NSMCE2: variants seen among roughly 807,000 people sequenced by gnomAD.
NSMCE2 encodes NSE2 SUMO ligase component of SMC5/6 complex.
NSMCE2 carries 24 observed loss-of-function variants against 23.8 expected under a neutral mutation model. That is an observed-to-expected ratio of 1.01 (90% confidence interval 0.73 to 1.42). NSMCE2 has a LOEUF of 1.42. Among genes scored for constraint, NSMCE2 ranks in the 40% most tolerant of loss-of-function variants. NSMCE2 has a pLI of 0.00. For synonymous variants in NSMCE2, 92 were observed against 94.1 expected (o/e 0.98, Z 0.13); for missense variants, 284 against 296.5 (o/e 0.96, Z 0.31).
At chr8:125,162,363 A>G (rs1273605252) in intron 4 of NSMCE2, among the ~76,000 whole-genome samples, 1 of 152,220 alleles carries the variant, frequency 6.6e-6, no homozygotes, top group East Asian at 1.9e-4. Flanking sequence ...TACATGTTTT[A>G]TAATAGTAAT....
At chr8:125,235,274 T>C (rs1453246519) in intron 5 of NSMCE2, among the ~76,000 whole-genome samples, 1 of 152,048 alleles carries the variant, frequency 6.6e-6, no homozygotes. Context: ...CCTAAAAGCT[T>C]TTCCCAAGAG....
At chr8:125,185,439 T>C (rs2130811807) in intron 5 of NSMCE2, among the ~76,000 whole-genome samples, 1 of 152,286 alleles carries the variant, frequency 6.6e-6, no homozygotes, top group East Asian at 1.9e-4. Context: ...CCCAAGTAGC[T>C]GGGATTATAC....
chr8:125,294,823 G>A (rs1828259640), intron 5 of NSMCE2, among the ~76,000 whole-genome samples: 1 of 152,214 alleles, frequency 6.6e-6, no homozygotes, highest in Non-Finnish European at 1.5e-5. Flanking sequence ...AGCTACTCAA[G>A]TACTACTATG....
intron 3 of NSMCE2, among the ~76,000 whole-genome samples, chr8:125,110,723 A>G (rs148105806): frequency 7.4e-4 from 103 of 139,516 alleles, no homozygotes; most frequent in Middle Eastern, 4.6e-3. Flanking sequence ...GTCAAATGAC[A>G]TTTAGCGACG....
intron 4 of NSMCE2, among the ~76,000 whole-genome samples, chr8:125,169,731 A>AT (rs11343986): frequency 3.7e-4 from 55 of 150,180 alleles, no homozygotes; most frequent in Admixed American, 5.3e-4. Flanking sequence ...TGAACATTTG[A>AT]TTTTTTTTTT....
At chr8:125,217,109 T>A (rs965319510) in intron 5 of NSMCE2, among the ~76,000 whole-genome samples, 8 of 152,208 alleles carry the variant, frequency 5.3e-5, no homozygotes, top group African/African-American at 1.7e-4. Context: ...TTCCATAAGA[T>A]AAGTTAGACT....
At chr8:125,333,511 T>G (rs1054817637) in intron 5 of NSMCE2, among the ~76,000 whole-genome samples, 40 of 94,794 alleles carry the variant, frequency 4.2e-4, no homozygotes, top group Admixed American at 1.6e-3. Flanking sequence ...GGTTCTTTTT[T>G]TTTTTTTTTT....
intron 5 of NSMCE2, among the ~76,000 whole-genome samples, chr8:125,343,868 T>A (rs1376099759): frequency 1.3e-5 from 2 of 151,870 alleles, no homozygotes; most frequent in Non-Finnish European, 2.9e-5. Context: ...TAGCTGGACG[T>A]GGTGGCGGGC....
chr8:125,259,563 A>G (rs960867294), intron 5 of NSMCE2, among the ~76,000 whole-genome samples: 1 of 150,584 alleles, frequency 6.6e-6, no homozygotes, highest in Non-Finnish European at 1.5e-5. Flanking sequence ...GTCTTCCATG[A>G]AACCGGCCCC....
intron 3 of NSMCE2, among the ~76,000 whole-genome samples, chr8:125,124,706 G>A (rs1819430711): frequency 6.6e-6 from 1 of 152,122 alleles, no homozygotes; most frequent in South Asian, 2.1e-4. Context: ...ATGAACTCCT[G>A]GGGTCAAGCG....
In NSMCE2 at chr8:125,311,417, A is replaced by G. The variant is rs180766663; in HGVS notation, c.419-45802A>G. Among the ~76,000 whole-genome samples the G allele has an allele frequency of 3.3e-5, 5 of 152,330 alleles. No individual in the cohort carries two copies. In the East Asian group the frequency reaches 9.6e-4, roughly 29 times the overall value. ...GAAGGAAATCTTATTTTTACCTTGG[A>G]CTTTCAAAAACATAGATAATAAAAA... On this transcript the variant is annotated intron_variant, in intron 5 of 7. Transcript: ENST00000287437.
chr8:125,098,186 G>A (rs888784190), intron 1 of NSMCE2, among the ~76,000 whole-genome samples: 16 of 152,174 alleles, frequency 1.1e-4, no homozygotes, highest in African/African-American at 3.6e-4. Context: ...CCAGCAATCA[G>A]TGTTTTAATG....
intron 3 of NSMCE2, among the ~76,000 whole-genome samples, chr8:125,120,953 T>C (rs1234249345): frequency 1.3e-5 from 2 of 152,260 alleles, no homozygotes; most frequent in Non-Finnish European, 2.9e-5. Context: ...TTCATTCTAC[T>C]GCACATCTGC....
At chr8:125,321,909 C>T (rs1354872031) in intron 5 of NSMCE2, among the ~76,000 whole-genome samples, 1 of 152,144 alleles carries the variant, frequency 6.6e-6, no homozygotes, top group African/African-American at 2.4e-5. Flanking sequence ...AGTGGTATCT[C>T]ATTATGATTT....
chr8:125,207,510 T>C (rs1586611972), intron 5 of NSMCE2, among the ~76,000 whole-genome samples: 3 of 152,212 alleles, frequency 2.0e-5, no homozygotes. Flanking sequence ...TCAGTGGCTG[T>C]AGTTCAAAAC....
intron 5 of NSMCE2, among the ~76,000 whole-genome samples, chr8:125,350,517 C>G (rs1354220532): frequency 6.6e-6 from 1 of 152,162 alleles, no homozygotes; most frequent in African/African-American, 2.4e-5. Flanking sequence ...TTGATAAAGA[C>G]ATACCTGAGA....
intron 5 of NSMCE2, among the ~76,000 whole-genome samples, chr8:125,184,798 A>C (rs1823012899): frequency 6.6e-6 from 1 of 152,148 alleles, no homozygotes; most frequent in African/African-American, 2.4e-5. Flanking sequence ...TCAGGCTCCC[A>C]CAGTATTTGT....
intron 5 of NSMCE2, among the ~76,000 whole-genome samples, chr8:125,337,669 C>T (rs545151649): frequency 4.4e-4 from 67 of 151,704 alleles, no homozygotes; most frequent in African/African-American, 1.5e-3. Flanking sequence ...CCGAGGCTGG[C>T]GGATCACCTG....
At chr8:125,295,024 T>C (rs1828267906) in intron 5 of NSMCE2, among the ~76,000 whole-genome samples, 1 of 152,248 alleles carries the variant, frequency 6.6e-6, no homozygotes, top group Non-Finnish European at 1.5e-5. Flanking sequence ...GCCAATAATC[T>C]GTCACCTGAA....
Sources: gnomAD v4.1 joint callset for allele counts (sites outside exome capture counted in the v4.1 genomes callset) on GRCh38, gnomAD v4.1.1 for gene constraint, MANE v1.5 for transcripts, NCBI Gene and HGNC (gene_info 2026-07-23, HGNC 2026-07-21) for gene names.